The following TOX variants were observed in gnomAD, a reference collection of about 807,000 sequenced individuals.
TOX encodes the protein thymocyte selection-associated high mobility group box protein TOX.
TOX carries 11 observed loss-of-function variants against 53.7 expected under a neutral mutation model. The ratio of observed to expected loss-of-function variants is 0.20; its 90% CI spans 0.13 to 0.34. The LOEUF is 0.34. Among genes scored for constraint, TOX ranks in the 10% least tolerant of loss-of-function variants. TOX has a pLI of 1.00. For missense variants in TOX, 570 were observed against 664.6 expected (o/e 0.86, Z 1.56); for synonymous variants, 225 against 245.3 (o/e 0.92, Z 0.77).
chr8:59,100,774 TA>T (rs528746458), intron 1 of TOX, among the ~76,000 whole-genome samples: 10 of 152,164 alleles, frequency 6.6e-5, no homozygotes, highest in Non-Finnish European at 1.5e-4. Flanking sequence ...ACTTCATACA[TA>T]AAAATAGTAT....
intron 3 of TOX, among the ~76,000 whole-genome samples, chr8:58,877,760 G>A (rs960599112): frequency 2.6e-5 from 4 of 152,020 alleles, no homozygotes; most frequent in African/African-American, 9.7e-5. Context: ...GTCGTGCAGT[G>A]TACTAACATG....
At chr8:58,882,787 T>A (rs934589550) in intron 3 of TOX, among the ~76,000 whole-genome samples, 5 of 152,204 alleles carry the variant, frequency 3.3e-5, no homozygotes, top group African/African-American at 9.6e-5. Context: ...AGGGAGATGT[T>A]GTAGGACATA....
intron 3 of TOX, among the ~76,000 whole-genome samples, chr8:58,882,758 C>T (rs1022383394): frequency 2.0e-5 from 3 of 152,200 alleles, no homozygotes; most frequent in African/African-American, 4.8e-5. Flanking sequence ...TATCACAGCA[C>T]AGGCTTGACA....
At chr8:59,107,806 G>A (rs537181748) in intron 1 of TOX, among the ~76,000 whole-genome samples, 2 of 152,220 alleles carry the variant, frequency 1.3e-5, no homozygotes, top group Admixed American at 6.5e-5. Flanking sequence ...TATACAACAG[G>A]TTTTTAAAGC....
intron 1 of TOX, among the ~76,000 whole-genome samples, chr8:59,030,517 G>A (rs1056773920): frequency 2.0e-5 from 3 of 152,096 alleles, no homozygotes; most frequent in African/African-American, 2.4e-5. Flanking sequence ...ATACGCGCTC[G>A]TTTGCTGCTT....
intron 6 of TOX, 100 bp downstream of exon 6, chr8:58,826,722 T>C (rs1444214127): frequency 2.0e-6 from 2 of 991,844 alleles, no homozygotes; most frequent in East Asian, 5.5e-5. Flanking sequence ...AAGAAGATTG[T>C]GCAGAATCGT....
At chr8:58,975,150 T>C (rs1378939730) in intron 1 of TOX, among the ~76,000 whole-genome samples, 1 of 150,010 alleles carries the variant, frequency 6.7e-6, no homozygotes, top group Non-Finnish European at 1.5e-5. Flanking sequence ...AGATATATAT[T>C]ATTATATATA....
chr8:58,972,440 T>C lies in TOX; in HGVS notation c.103-12432A>G, dbSNP rs193096206. On this transcript the variant is annotated intron_variant, in intron 1 of 8. Transcript: ENST00000361421. Reference sequence around the variant, plus strand: ...TTCATTAAAATTGCTTCGGGCTAATTTATTGTCATAAAAGAAAGATATCAG... The same window carrying C: ...TTCATTAAAATTGCTTCGGGCTAATCTATTGTCATAAAAGAAAGATATCAG... Among the ~76,000 whole-genome samples, 306 of 152,290 alleles carry C rather than the reference T, an allele frequency of 2.0e-3. 2 individuals carry two copies. Among genetic ancestry groups the C allele is most frequent in the African/African-American group, 6.9e-3 (286 of 41,582 alleles).
intron 1 of TOX, among the ~76,000 whole-genome samples, chr8:59,019,705 G>C (rs1171023364): frequency 6.6e-6 from 1 of 152,172 alleles, no homozygotes; most frequent in Non-Finnish European, 1.5e-5. Flanking sequence ...AATATTTTCT[G>C]TGTGTGTAGC....
chr8:59,081,068 C>T (rs901427029), intron 1 of TOX, among the ~76,000 whole-genome samples: 1 of 152,114 alleles, frequency 6.6e-6, no homozygotes, highest in Non-Finnish European at 1.5e-5. Flanking sequence ...ACTCTGTCGC[C>T]CAGGCTGGAG....
At chr8:58,819,320 T>A (rs1479839369) in intron 6 of TOX, among the ~76,000 whole-genome samples, 3 of 152,242 alleles carry the variant, frequency 2.0e-5, no homozygotes, top group Admixed American at 6.5e-5. Flanking sequence ...CCACTTTTAT[T>A]TAGCAATGAG....
At chr8:59,019,389 T>A (rs966581323) in intron 1 of TOX, among the ~76,000 whole-genome samples, 2 of 152,064 alleles carry the variant, frequency 1.3e-5, no homozygotes, top group Non-Finnish European at 2.9e-5. Context: ...CCTGATCTTA[T>A]CAAAATAATT....
intron 1 of TOX, among the ~76,000 whole-genome samples, chr8:59,020,089 T>G (rs1470391215): frequency 3.9e-5 from 6 of 152,218 alleles, no homozygotes; most frequent in African/African-American, 1.4e-4. Context: ...TTTTCAACCT[T>G]AGCTCGGAAG....
At chr8:58,973,762 G>A (rs1813042815) in intron 1 of TOX, among the ~76,000 whole-genome samples, 1 of 151,884 alleles carries the variant, frequency 6.6e-6, no homozygotes, top group Non-Finnish European at 1.5e-5. Flanking sequence ...ATTATCACGA[G>A]GGATACACAG....
intron 1 of TOX, among the ~76,000 whole-genome samples, chr8:59,018,366 C>T (rs775690860): frequency 1.3e-5 from 2 of 152,128 alleles, no homozygotes; most frequent in African/African-American, 4.8e-5. Flanking sequence ...TTGTCCCCTA[C>T]CTTTTGCCCT....
chr8:59,068,660 C>T (rs1229321566), intron 1 of TOX, among the ~76,000 whole-genome samples: 4 of 152,084 alleles, frequency 2.6e-5, no homozygotes, highest in Non-Finnish European at 5.9e-5. Flanking sequence ...TAATATTATA[C>T]CCATTTTAAT....
At chr8:58,823,091 A>G (rs768807540) in intron 6 of TOX, among the ~76,000 whole-genome samples, 1 of 152,226 alleles carries the variant, frequency 6.6e-6, no homozygotes, top group Non-Finnish European at 1.5e-5. Flanking sequence ...CAGGATTTCC[A>G]TTGGAAGTTA....
chr8:59,043,801 C>T (rs76918256), intron 1 of TOX, among the ~76,000 whole-genome samples: 3,328 of 152,248 alleles, frequency 0.022, 86 homozygotes, highest in South Asian at 0.088. Flanking sequence ...GAAAGGACTA[C>T]GTAGGCAGGA....
At chr8:58,964,039 T>TCA (rs1812847741) in intron 1 of TOX, among the ~76,000 whole-genome samples, 4 of 151,990 alleles carry the variant, frequency 2.6e-5, no homozygotes, top group Admixed American at 6.6e-5. Flanking sequence ...TACAGTGGAT[T>TCA]AAGACTGATA....
Sources: allele counts gnomAD v4.1 joint callset (sites outside exome capture counted in the v4.1 genomes callset), GRCh38; gene constraint gnomAD v4.1.1; transcripts MANE v1.5; gene names NCBI Gene and HGNC (gene_info 2026-07-23, HGNC 2026-07-21).